PRKAR2B: variants seen among roughly 807,000 people sequenced by gnomAD.
PRKAR2B encodes the protein cAMP-dependent protein kinase type II-beta regulatory subunit.
PRKAR2B carries 14 observed loss-of-function variants against 49.9 expected under a neutral mutation model. The ratio of observed to expected loss-of-function variants is 0.28; its 90% CI spans 0.19 to 0.44. PRKAR2B has a LOEUF of 0.44. Among genes scored for constraint, PRKAR2B ranks in the 20% least tolerant of loss-of-function variants. The pLI, the probability that PRKAR2B is intolerant of heterozygous loss-of-function variation, is 1.00. For missense variants in PRKAR2B, 393 were observed against 537.9 expected (o/e 0.73, Z 2.67); for synonymous variants, 196 against 197.7 (o/e 0.99, Z 0.07).
At chr7:107,065,936 A>G (rs1485201189) in intron 1 of PRKAR2B, among the ~76,000 whole-genome samples, 1 of 152,162 alleles carries the variant, frequency 6.6e-6, no homozygotes, top group Non-Finnish European at 1.5e-5. Context: ...TCTTGTAAGG[A>G]CACGGAAGGA....
intron 2 of PRKAR2B, among the ~76,000 whole-genome samples, chr7:107,116,512 A>G (rs565803677): frequency 1.3e-5 from 2 of 152,346 alleles, no homozygotes. Context: ...CAAGTTACAC[A>G]TTATATAAAA....
intron 2 of PRKAR2B, among the ~76,000 whole-genome samples, chr7:107,094,405 T>C (rs1228466397): frequency 6.6e-6 from 1 of 152,222 alleles, no homozygotes; most frequent in Non-Finnish European, 1.5e-5. Context: ...TTCTGGATAT[T>C]AGCCCTTTGT....
chr7:107,103,649 C>T (rs1050820999), intron 2 of PRKAR2B, among the ~76,000 whole-genome samples: 1 of 152,214 alleles, frequency 6.6e-6, no homozygotes, highest in Non-Finnish European at 1.5e-5. Flanking sequence ...GCCTCCATGA[C>T]GTGTAATTGT....
At chr7:107,119,348 G>T (rs79936566) in intron 2 of PRKAR2B, among the ~76,000 whole-genome samples, 1 of 152,152 alleles carries the variant, frequency 6.6e-6, no homozygotes, top group African/African-American at 2.4e-5. Flanking sequence ...CACGAGGGCC[G>T]TGCATTTGGT....
chr7:107,116,801 A>G (rs557364395), intron 2 of PRKAR2B, among the ~76,000 whole-genome samples: 3 of 151,812 alleles, frequency 2.0e-5, no homozygotes, highest in African/African-American at 4.8e-5. Context: ...ATGTGAATGA[A>G]CAGGGGCGGG....
intron 2 of PRKAR2B, among the ~76,000 whole-genome samples, chr7:107,089,057 T>C (rs1361565044): frequency 6.6e-6 from 1 of 151,738 alleles, no homozygotes; most frequent in Non-Finnish European, 1.5e-5. Flanking sequence ...TAATCTCTGC[T>C]ACTCGGTAGG....
At chr7:107,138,998 GA>G (rs906725007) in intron 4 of PRKAR2B, among the ~76,000 whole-genome samples, 19 of 150,836 alleles carry the variant, frequency 1.3e-4, no homozygotes, top group Middle Eastern at 6.8e-3. Context: ...CTATTTTAAA[GA>G]AAAAAAAATG....
intron 2 of PRKAR2B, among the ~76,000 whole-genome samples, chr7:107,107,842 G>C (rs952526660): frequency 2.6e-5 from 4 of 152,128 alleles, no homozygotes; most frequent in African/African-American, 9.7e-5. Flanking sequence ...ATTCTTAGTA[G>C]AGACGGGGTT....
At chr7:107,115,099 G>A (rs1795246841) in intron 2 of PRKAR2B, among the ~76,000 whole-genome samples, 3 of 151,726 alleles carry the variant, frequency 2.0e-5, no homozygotes, top group Admixed American at 1.3e-4. Context: ...TACATGTCTG[G>A]GATGGTTTAG....
At chr7:107,113,827 A>G (rs1173987058) in intron 2 of PRKAR2B, among the ~76,000 whole-genome samples, 3 of 152,174 alleles carry the variant, frequency 2.0e-5, no homozygotes, top group African/African-American at 7.2e-5. Context: ...ACTGGGAGCT[A>G]GAGGGGACCA....
intron 3 of PRKAR2B, among the ~76,000 whole-genome samples, chr7:107,124,061 A>G (rs1000163591): frequency 2.6e-5 from 4 of 152,212 alleles, no homozygotes; most frequent in African/African-American, 9.6e-5. Flanking sequence ...ATAAAATTAC[A>G]TTTCATTTGG....
intron 3 of PRKAR2B, among the ~76,000 whole-genome samples, chr7:107,122,666 T>A (rs1795409580): frequency 6.6e-6 from 1 of 152,212 alleles, no homozygotes; most frequent in African/African-American, 2.4e-5. Flanking sequence ...GCCTCTTGTT[T>A]CTTTGGCCTT....
intron 2 of PRKAR2B, among the ~76,000 whole-genome samples, chr7:107,096,713 G>T (rs931362788): frequency 6.6e-6 from 1 of 151,980 alleles, no homozygotes; most frequent in African/African-American, 2.4e-5. Flanking sequence ...ATGTTTCTTT[G>T]TTCTCATTGG....
intron 1 of PRKAR2B, among the ~76,000 whole-genome samples, chr7:107,045,956 T>C (rs1299417072): frequency 6.6e-6 from 1 of 152,210 alleles, no homozygotes; most frequent in African/African-American, 2.4e-5. Context: ...TAAAAGTGTA[T>C]GAGAAAAACA....
intron 1 of PRKAR2B, among the ~76,000 whole-genome samples, chr7:107,050,514 T>G (rs1324351808): frequency 6.6e-6 from 1 of 152,164 alleles, no homozygotes; most frequent in Non-Finnish European, 1.5e-5. Flanking sequence ...ACAATTGTGT[T>G]TCTTTTTCAG....
rs74978065 is a variant in PRKAR2B at position 107,144,021 on chromosome 7, A to C, written c.588-2287A>C. 4.6e-3 allele frequency among the ~76,000 whole-genome samples: 704 copies of C among 152,152 alleles called. 7 individuals carry two copies. Among genetic ancestry groups the C allele is most frequent in the African/African-American group, 0.017 (687 of 41,516 alleles). On this transcript the variant is annotated intron_variant, in intron 5 of 10. Coordinates refer to ENST00000265717, the MANE Select transcript of PRKAR2B (RefSeq NM_002736.3). Reference sequence around the variant, plus strand: ...TAGTTTCCCTTGAAACAGTCATTCTATCCGTGAATGACATTGAAAACCAAT... The same window carrying C: ...TAGTTTCCCTTGAAACAGTCATTCTCTCCGTGAATGACATTGAAAACCAAT...
At chr7:107,140,148 G>C (rs1013095404) in intron 4 of PRKAR2B, among the ~76,000 whole-genome samples, 1 of 152,120 alleles carries the variant, frequency 6.6e-6, no homozygotes, top group African/African-American at 2.4e-5. Context: ...TCAGTTTGAA[G>C]TTTATCCTTG....
intron 2 of PRKAR2B, among the ~76,000 whole-genome samples, chr7:107,121,436 T>C (rs1795386331): frequency 6.6e-6 from 1 of 152,126 alleles, no homozygotes; most frequent in Admixed American, 6.5e-5. Flanking sequence ...ATGAAAAAAG[T>C]AGGTTTTTAA....
intron 2 of PRKAR2B, among the ~76,000 whole-genome samples, chr7:107,113,982 T>G (rs1350645441): frequency 6.6e-6 from 1 of 152,200 alleles, no homozygotes; most frequent in Non-Finnish European, 1.5e-5. Context: ...AGAAACGTTC[T>G]TTGTTGATAG....
Sources: gnomAD v4.1 joint callset for allele counts (sites outside exome capture counted in the v4.1 genomes callset) on GRCh38, gnomAD v4.1.1 for gene constraint, MANE v1.5 for transcripts, NCBI Gene and HGNC (gene_info 2026-07-23, HGNC 2026-07-21) for gene names.